The following DTHD1 variants were observed in gnomAD, a reference collection of about 807,000 sequenced individuals.
DTHD1 encodes death domain containing 1, also known as death domain-containing protein 1.
Under a neutral mutation model 74.8 loss-of-function variants are expected in DTHD1, and 59 were observed. The observed-to-expected ratio is 0.79, with a 90% CI of 0.64 to 0.98. The LOEUF (loss-of-function observed/expected upper bound fraction) is 0.98, where lower values mean the gene tolerates loss of function less well. Ranked by LOEUF, DTHD1 falls within the 50% of genes least tolerant of loss-of-function variation. The probability of loss-of-function intolerance (pLI) is 0.00; values close to 1 mark genes in which losing one functional copy is unlikely to be tolerated. For missense variants in DTHD1, 1,051 were observed against 1,065.4 expected (o/e 0.99, Z 0.19); for synonymous variants, 365 against 371.1 (o/e 0.98, Z 0.19).
chr4:36,304,790 C>G (rs1756951818), intron 5 of DTHD1, among the ~76,000 whole-genome samples: 1 of 152,218 alleles, frequency 6.6e-6, no homozygotes, highest in African/African-American at 2.4e-5. Flanking sequence ...TTCTCCATCT[C>G]TAGGACTATG....
intron 9 of DTHD1, among the ~76,000 whole-genome samples, chr4:36,342,918 C>CAAAAAAAAAAAAAAAAA (rs55956868): frequency 1.0e-5 from 1 of 96,966 alleles, no homozygotes. Flanking sequence ...ACTAAAAATA[C>CAAAAAAAAAAAAAAAAA]AAAAAAAAAA....
intron 2 of DTHD1, among the ~76,000 whole-genome samples, chr4:36,288,788 C>T (rs1755875753): frequency 6.6e-6 from 1 of 152,198 alleles, no homozygotes; most frequent in Non-Finnish European, 1.5e-5. Flanking sequence ...CTTCATCTGT[C>T]AGTTGAGAAA....
At chr4:36,338,063 C>A (rs73806808) in intron 8 of DTHD1, among the ~76,000 whole-genome samples, 1 of 151,944 alleles carries the variant, frequency 6.6e-6, no homozygotes, top group Non-Finnish European at 1.5e-5. Flanking sequence ...ATTTATGCAA[C>A]TACCACATTC....
At position 36,294,500 on chromosome 4, in the gene DTHD1, T is replaced by A. The variant is rs1224867366; in HGVS notation, c.1399-295T>A. On this transcript the variant is annotated intron_variant, in intron 4 of 9. Coordinates refer to ENST00000639862, the MANE Select transcript of DTHD1 (RefSeq NM_001170700.3). ...TCTAATTAGAAATCATTATAAAACA[T>A]CTATTTTGTTTTCTAGGTCATTTTG... Among the ~76,000 whole-genome samples, 3 of 152,142 alleles carry A rather than the reference T, an allele frequency of 2.0e-5. No homozygotes were observed. The East Asian group carries it at 5.8e-4, about 29-fold the overall frequency.
chr4:36,290,736 T>C, intron 3 of DTHD1, 33 bp downstream of exon 3: 1 of 1,467,902 alleles, frequency 6.8e-7, no homozygotes, highest in Middle Eastern at 2.0e-4. Flanking sequence ...CTACATTTGC[T>C]GTTTGGCTCC....
At chr4:36,285,538 T>C (rs1169082957) in intron 2 of DTHD1, among the ~76,000 whole-genome samples, 3 of 152,054 alleles carry the variant, frequency 2.0e-5, no homozygotes, top group African/African-American at 7.2e-5. Context: ...ATCTATTTTA[T>C]AAATTTTCTC....
chr4:36,317,051 A>C (rs960126437), intron 8 of DTHD1, among the ~76,000 whole-genome samples: 1 of 152,212 alleles, frequency 6.6e-6, no homozygotes, highest in African/African-American at 2.4e-5. Context: ...GTGAATCTAA[A>C]CTACCTTTTT....
chr4:36,322,991 C>T (rs114533738), intron 8 of DTHD1, among the ~76,000 whole-genome samples: 1,657 of 152,268 alleles, frequency 0.011, 30 homozygotes, highest in African/African-American at 0.038. Context: ...TTTGTGCTAA[C>T]TTGGGTTGTG....
At chr4:36,342,244 T>C (rs1759353364) in intron 9 of DTHD1, among the ~76,000 whole-genome samples, 1 of 152,140 alleles carries the variant, frequency 6.6e-6, no homozygotes, top group African/African-American at 2.4e-5. Context: ...TTGAAAGTGA[T>C]GATGGAGAAC....
intron 8 of DTHD1, among the ~76,000 whole-genome samples, chr4:36,328,582 C>T (rs748583976): frequency 1.1e-4 from 17 of 152,176 alleles, no homozygotes; most frequent in African/African-American, 4.1e-4. Flanking sequence ...GGACACACCT[C>T]CCATCACTTT....
intron 9 of DTHD1, among the ~76,000 whole-genome samples, chr4:36,341,280 G>C (rs1341074576): frequency 6.6e-6 from 1 of 152,164 alleles, no homozygotes; most frequent in Admixed American, 6.5e-5. Flanking sequence ...CAAGGAAGGA[G>C]CCTTGGTGAG....
At chr4:36,333,885 C>T (rs557315257) in intron 8 of DTHD1, 3 of 152,294 alleles carry the variant, frequency 2.0e-5, no homozygotes, top group Admixed American at 6.5e-5. Flanking sequence ...CTTGAGAAAA[C>T]TTTGCCAGAA....
intron 8 of DTHD1, among the ~76,000 whole-genome samples, chr4:36,324,177 T>C (rs1758202462): frequency 6.6e-6 from 1 of 152,002 alleles, no homozygotes; most frequent in South Asian, 2.1e-4. Context: ...CCCTTTTCTT[T>C]TTCCTTTCCC....
intron 8 of DTHD1, among the ~76,000 whole-genome samples, chr4:36,321,533 C>A (rs1758037385): frequency 2.0e-5 from 3 of 152,112 alleles, no homozygotes; most frequent in Admixed American, 2.0e-4. Context: ...CTTCTAGTTG[C>A]AGGAAAACAA....
intron 1 of DTHD1, 53 bp downstream of exon 1, chr4:36,282,082 C>A: frequency 2.8e-6 from 4 of 1,444,282 alleles, no homozygotes; most frequent in Non-Finnish European, 3.7e-6. Context: ...TTGATTAGGG[C>A]AAGATCTGAG....
intron 1 of DTHD1, among the ~76,000 whole-genome samples, chr4:36,283,492 T>G (rs1298056792): frequency 6.6e-6 from 1 of 152,218 alleles, no homozygotes; most frequent in Non-Finnish European, 1.5e-5. Flanking sequence ...GCATCTACAT[T>G]GGCAGAAATA....
At position 36,290,445 on chromosome 4, in the gene DTHD1, A is replaced by G. The variant is rs941441749; in HGVS notation, c.960A>G (p.Leu320=). The stretch of plus-strand genomic sequence containing the variant: ...ATATTACAGCACCATCATATGTTCT[A>G]CAACAACTAGAATGCCGGATAATAA... ...SCYITAPSYV[L]QQLECRIINH... The change falls in exon 3 of 10, where the codon CTA becomes CTG. Residue 320 remains leucine, a synonymous_variant. Coordinates refer to ENST00000639862, the MANE Select transcript of DTHD1 (RefSeq NM_001170700.3). 1.9e-6 allele frequency: 3 copies of G among 1,551,966 alleles called. No homozygotes were observed. Among genetic ancestry groups the G allele is most frequent in the Non-Finnish European group, 2.6e-6 (3 of 1,147,016 alleles).
Position 36,306,295 on chromosome 4 carries a change from T to C in DTHD1, c.1748T>C (p.Val583Ala), listed in dbSNP as rs1757045752. Residue 583 changes from valine to alanine, a missense_variant, in exon 6 of 10, where the codon GTT (valine) becomes GCT (alanine). Val to Ala is a moderately conservative substitution (Grantham distance 64, BLOSUM62 0). Coordinates refer to ENST00000639862, the MANE Select transcript of DTHD1 (RefSeq NM_001170700.3). The stretch of plus-strand genomic sequence containing the variant: ...AGTGGTTGGTGTGGGCTTGATGATG[T>C]TGTGAAAACCATACAGAGCGGCTTG... ...QDSGWCGLDD[V>A]VKTIQSGLVS... 1.3e-6 allele frequency: 2 copies of C among 1,550,306 alleles called. No homozygotes were observed. The highest frequency in any genetic ancestry group is 2.4e-5 in the East Asian group (1 of 40,920).
intron 2 of DTHD1, among the ~76,000 whole-genome samples, chr4:36,287,804 T>C (rs1322414258): frequency 6.6e-6 from 1 of 152,234 alleles, no homozygotes; most frequent in Admixed American, 6.5e-5. Context: ...TGTTTATACA[T>C]GTCCTTAGTT....
Sources: allele counts gnomAD v4.1 joint callset (sites outside exome capture counted in the v4.1 genomes callset), GRCh38; gene constraint gnomAD v4.1.1; transcripts MANE v1.5; gene names NCBI Gene and HGNC (gene_info 2026-07-23, HGNC 2026-07-21).